Variants in CRKL observed in about 807,000 individuals in gnomAD.
CRKL encodes CRK like proto-oncogene, adaptor protein, also known as crk-like protein.
In CRKL, 3 loss-of-function variants were observed where a neutral mutation model predicts 23.0. The observed-to-expected ratio is 0.13, with a 90% confidence interval of 0.06 to 0.34. CRKL has a LOEUF of 0.34. CRKL is among the 10% of genes least tolerant of loss of function. The pLI is 1.00. For synonymous variants in CRKL, 188 were observed against 160.7 expected (o/e 1.17, Z -1.28); for missense variants, 256 against 394.5 (o/e 0.65, Z 2.97).
chr22:20,918,407 T>TG (rs1929768742), intron 1 of CRKL, among the ~76,000 whole-genome samples, 162 bp downstream of exon 1: 1 of 143,574 alleles, frequency 7.0e-6, no homozygotes, highest in Non-Finnish European at 1.5e-5. Flanking sequence ...TGTCAGGATC[T>TG]GGGTCACTGG....
At chr22:20,932,131 GA>G (rs1445407527) in intron 1 of CRKL, among the ~76,000 whole-genome samples, 1 of 151,126 alleles carries the variant, frequency 6.6e-6, no homozygotes, top group African/African-American at 2.4e-5. Context: ...TATGTTTTGA[GA>G]CAGTCTTGTT....
chr22:20,939,941 A>G (rs530737181), intron 2 of CRKL, among the ~76,000 whole-genome samples: 8 of 151,366 alleles, frequency 5.3e-5, no homozygotes, highest in South Asian at 4.2e-4. Context: ...GGCACCTGCC[A>G]ACCGCGCCTG....
chr22:20,918,445 CT>C (rs67775241), intron 1 of CRKL, among the ~76,000 whole-genome samples, 200 bp downstream of exon 1: 1 of 149,796 alleles, frequency 6.7e-6, no homozygotes, highest in African/African-American at 2.5e-5. Context: ...TTTTTTTTCC[CT>C]CTCACGAGGC....
chr22:20,951,304 G>T lies in CRKL; in HGVS notation c.*1459G>T. 4.3e-6 allele frequency: 1 copy of T among 232,304 alleles called. No individual in the cohort carries two copies. Among genetic ancestry groups the T allele is most frequent in the Non-Finnish European group, 8.5e-6 (1 of 117,462 alleles). The allele number at this position is 232,304 out of a possible 1,614,324, so 14.4% of individuals were successfully genotyped here. A position where few individuals can be genotyped will look rare whatever the true frequency, so the allele number is the denominator to read the frequency against. ...ATGCTCCCAAGCAAAGGAAATGCAAGCTCTGGAAATTCGTTAATGTATTTG... is the reference window on the plus strand; with the variant it reads ...ATGCTCCCAAGCAAAGGAAATGCAATCTCTGGAAATTCGTTAATGTATTTG... On this transcript the variant is annotated 3_prime_UTR_variant, in exon 3 of 3. Coordinates refer to ENST00000354336, the MANE Select transcript of CRKL (RefSeq NM_005207.4).
intron 1 of CRKL, among the ~76,000 whole-genome samples, chr22:20,928,098 G>A (rs1202555825): frequency 6.6e-6 from 1 of 151,894 alleles, no homozygotes; most frequent in Admixed American, 6.6e-5. Flanking sequence ...CAGAGGTTTT[G>A]GTGAGCTGAG....
rs1426743449 is a variant in CRKL, at chr22:20,952,676, C to T, written c.*2831C>T. On this transcript the variant is annotated 3_prime_UTR_variant, in exon 3 of 3. Transcript: ENST00000354336. ...GTGTTCATAACTGCTACTTGCTCTG[C>T]TCTACCATGTTTAAAGAAATATTTG... 1.7e-5 allele frequency: 4 copies of T among 232,064 alleles called. No homozygotes were observed. The East Asian group carries it at 2.4e-4, about 14-fold the overall frequency. 14.4% of individuals were successfully genotyped at this position (232,064 alleles called of 1,614,324 possible). A position where few individuals can be genotyped will look rare whatever the true frequency, so the allele number is the denominator to read the frequency against.
chr22:20,933,523 C>T (rs759085397), intron 1 of CRKL, among the ~76,000 whole-genome samples: 1 of 151,736 alleles, frequency 6.6e-6, no homozygotes, highest in Non-Finnish European at 1.5e-5. Flanking sequence ...AAAAAGTTAC[C>T]TGGGCGTGGT....
intron 1 of CRKL, among the ~76,000 whole-genome samples, chr22:20,924,217 T>C (rs933059349): frequency 6.6e-6 from 1 of 152,014 alleles, no homozygotes; most frequent in Non-Finnish European, 1.5e-5. Context: ...GAATGTAAGT[T>C]GTATATATTT....
intron 2 of CRKL, among the ~76,000 whole-genome samples, chr22:20,948,442 G>A (rs543395994): frequency 1.3e-5 from 2 of 152,086 alleles, no homozygotes; most frequent in East Asian, 1.9e-4. Flanking sequence ...TAGAGGGGGC[G>A]TGGGGTTGGG....
intron 2 of CRKL, among the ~76,000 whole-genome samples, chr22:20,944,202 T>C (rs1014568036): frequency 6.7e-6 from 1 of 148,388 alleles, no homozygotes; most frequent in Admixed American, 6.9e-5. Flanking sequence ...TTGCCCAGAC[T>C]GGTCTCAAAC....
At chr22:20,920,609 A>G (rs2147894069) in intron 1 of CRKL, among the ~76,000 whole-genome samples, 1 of 152,226 alleles carries the variant, frequency 6.6e-6, no homozygotes, top group Non-Finnish European at 1.5e-5. Context: ...CCGTACATGC[A>G]TGCATCTTCT....
In CRKL at chr22:20,950,904, C is replaced by T. The variant is rs1368787010; in HGVS notation, c.*1059C>T. ...CCTTGTTTTGCCATGTAGCAGACAA[C>T]ACACAAAATAATGCAGTTGTGGTGT... is the stretch of plus-strand genomic sequence containing the variant. On this transcript the variant is annotated 3_prime_UTR_variant, in exon 3 of 3. Coordinates refer to ENST00000354336, the MANE Select transcript of CRKL (RefSeq NM_005207.4). The T allele has an allele frequency of 1.3e-5, 3 of 232,116 alleles. No individual in the cohort carries two copies. Among genetic ancestry groups the T allele is most frequent in the Non-Finnish European group, 1.7e-5 (2 of 117,350 alleles). The allele number at this position is 232,116 out of a possible 1,614,324, so 14.4% of individuals were successfully genotyped here.
intron 2 of CRKL, 41 bp downstream of exon 2, chr22:20,934,285 T>C (rs2147906299): frequency 6.6e-7 from 1 of 1,523,722 alleles, no homozygotes; most frequent in Non-Finnish European, 8.9e-7. Context: ...CCTTTGACAT[T>C]TGGTTTTAAT....
intron 2 of CRKL, among the ~76,000 whole-genome samples, chr22:20,935,310 A>G (rs1921612598): frequency 6.6e-6 from 1 of 150,954 alleles, no homozygotes; most frequent in Non-Finnish European, 1.5e-5. Flanking sequence ...ATGGGGTTTC[A>G]CCATGTTGGC....
At chr22:20,926,877 G>A (rs898541747) in intron 1 of CRKL, among the ~76,000 whole-genome samples, 1 of 151,778 alleles carries the variant, frequency 6.6e-6, no homozygotes, top group Non-Finnish European at 1.5e-5. Context: ...CTTGGGAGGC[G>A]GAGGCAGGTG....
At chr22:20,940,828 A>G (rs1205570979) in intron 2 of CRKL, among the ~76,000 whole-genome samples, 2 of 152,118 alleles carry the variant, frequency 1.3e-5, no homozygotes, top group Non-Finnish European at 2.9e-5. Context: ...CTGACCTGGA[A>G]TTATCAGATT....
intron 1 of CRKL, among the ~76,000 whole-genome samples, chr22:20,920,707 G>A (rs1569130882): frequency 3.3e-5 from 5 of 152,028 alleles, no homozygotes; most frequent in Admixed American, 1.3e-4. Context: ...TTCCCTGGTA[G>A]CCATCCTTCC....
chr22:20,949,440 T>TA (rs1280126963), intron 2 of CRKL, among the ~76,000 whole-genome samples: 2 of 152,086 alleles, frequency 1.3e-5, no homozygotes, highest in Admixed American at 6.5e-5. Context: ...ACCCCGTCTA[T>TA]AAAAAATTAA....
rs527687013 is a variant in CRKL at position 20,927,606 on chromosome 22, G to A, written c.312-6173G>A. On this transcript the variant is annotated intron_variant, in intron 1 of 2. Coordinates refer to ENST00000354336, the MANE Select transcript of CRKL (RefSeq NM_005207.4). ...GCCTGTAATCTCAGCACATTGGGAA[G>A]CCAAGACAGGTGGATCACTTGAGGT... Among the ~76,000 whole-genome samples the A allele has an allele frequency of 2.7e-5, 4 of 149,482 alleles. No individual in the cohort carries two copies. The South Asian group carries it at 8.6e-4, about 32-fold the overall frequency.
Sources: allele counts gnomAD v4.1 joint callset (sites outside exome capture counted in the v4.1 genomes callset), GRCh38; gene constraint gnomAD v4.1.1; transcripts MANE v1.5; gene names NCBI Gene and HGNC (gene_info 2026-07-23, HGNC 2026-07-21).